Variants in MITF observed in about 807,000 individuals in gnomAD.
The protein encoded by MITF is microphthalmia-associated transcription factor.
Under a neutral mutation model 60.5 loss-of-function variants are expected in MITF, and 17 were observed. That is an observed-to-expected ratio of 0.28 (90% CI 0.19 to 0.42). The LOEUF (loss-of-function observed/expected upper bound fraction) is 0.42. Among genes scored for constraint, MITF ranks in the 10% least tolerant of loss-of-function variants. The pLI is 1.00. For missense variants in MITF, 622 were observed against 683.5 expected, an observed-to-expected ratio of 0.91 and a Z score of 1.00; for synonymous variants, 260 against 248.5, an observed-to-expected ratio of 1.05 and a Z score of -0.43.
In MITF at chr3:69,866,224, A is replaced by G. The variant is rs1575842031; in HGVS notation, c.105-12910A>G. ...AGGAGCCACCCCTAGTGACACAGCC[A>G]GTGCCAGAACTAACTTTGACTTTCA... is the stretch of plus-strand genomic sequence containing the variant. On this transcript the variant is annotated intron_variant, in intron 1 of 9. Coordinates refer to ENST00000352241, the MANE Select transcript of MITF (RefSeq NM_001354604.2). The G allele has an allele frequency of 1.9e-6, 3 of 1,606,220 alleles. No individual in the cohort carries two copies. In the East Asian group the frequency reaches 6.7e-5, roughly 36 times the overall value.
At position 69,965,375 on chromosome 3, in the gene MITF, A is replaced by G. The variant is rs1325679025; in HGVS notation, c.*127A>G. 3.4e-6 allele frequency: 3 copies of G among 887,222 alleles called. No homozygotes were observed. The highest frequency in any genetic ancestry group is 3.4e-6 in the Non-Finnish European group (2 of 589,218). The allele number at this position is 887,222 out of a possible 1,614,324, so 55.0% of individuals were successfully genotyped here. The stretch of plus-strand genomic sequence containing the variant: ...TGAAATTTTTTTTCATGCTTTATCA[A>G]TAGCCCAGGATATATTTTATTTTTA... On this transcript the variant is annotated 3_prime_UTR_variant, in exon 10 of 10. Transcript: ENST00000352241.
intron 1 of MITF, among the ~76,000 whole-genome samples, chr3:69,811,414 T>C (rs1165227252): frequency 6.6e-6 from 1 of 152,178 alleles, no homozygotes; most frequent in Non-Finnish European, 1.5e-5. Context: ...ACAGTGCATC[T>C]CTGTCCCCTG....
chr3:69,787,500 G>C (rs1341818656), intron 1 of MITF, among the ~76,000 whole-genome samples: 1 of 152,148 alleles, frequency 6.6e-6, no homozygotes, highest in Non-Finnish European at 1.5e-5. Context: ...GTACAGGCTA[G>C]ACTAGACCAA....
intron 2 of MITF, among the ~76,000 whole-genome samples, chr3:69,898,513 T>C (rs962842693): frequency 2.0e-4 from 30 of 152,142 alleles, no homozygotes; most frequent in African/African-American, 6.8e-4. Context: ...AAGAGTATTG[T>C]ACACACCAGA....
At chr3:69,742,126 A>G (rs149847551) in intron 1 of MITF, among the ~76,000 whole-genome samples, 1 of 152,330 alleles carries the variant, frequency 6.6e-6, no homozygotes, top group Non-Finnish European at 1.5e-5. Flanking sequence ...TTTAAACTGC[A>G]ATACCCACAT....
In MITF at chr3:69,779,725, C is replaced by A. The variant is rs200833569; in HGVS notation, c.104+40024C>A. Among the ~76,000 whole-genome samples, 48 of 152,160 alleles carry A rather than the reference C, an allele frequency of 3.2e-4. No homozygotes were observed. The East Asian group carries it at 5.6e-3, about 18-fold the overall frequency. ...TAATTAAAATTAAAATTAAAATTTTCATTTTGATATAATTATAGATTAACA... is the reference window on the plus strand; with the variant it reads ...TAATTAAAATTAAAATTAAAATTTTAATTTTGATATAATTATAGATTAACA... On this transcript the variant is annotated intron_variant, in intron 1 of 9. Transcript: ENST00000352241.
In MITF at chr3:69,964,875, G is replaced by A; in HGVS notation, c.1208G>A (p.Gly403Glu). ...CTTGAAATGCAGGCTCGAGCTCATG[G>A]ACTTTCCCTTATTCCATCCACGGGT... ...QELEMQARAH[G>E]LSLIPSTGLC... Residue 403 changes from glycine (G) to glutamate (E), a missense_variant, in exon 10 of 10, where the codon GGA (glycine) becomes GAA (glutamate). By Grantham distance (98) the Gly-to-Glu change is moderately conservative. Transcript: ENST00000352241. 2 of 1,614,054 alleles carry A rather than the reference G, an allele frequency of 1.2e-6. No individual in the cohort carries two copies. Among genetic ancestry groups the A allele is most frequent in the Non-Finnish European group, 1.7e-6 (2 of 1,179,996 alleles).
chr3:69,814,135 A>G (rs57829272), intron 1 of MITF, among the ~76,000 whole-genome samples: 23,368 of 151,872 alleles, frequency 0.15, 2,099 homozygotes, highest in South Asian at 0.21. Flanking sequence ...AAAAAAAAAA[A>G]GTGCAACTCT....
intron 2 of MITF, among the ~76,000 whole-genome samples, chr3:69,919,074 G>A (rs1237541308): frequency 6.6e-6 from 1 of 152,120 alleles, no homozygotes; most frequent in Non-Finnish European, 1.5e-5. Flanking sequence ...ATATTCAGTG[G>A]TAAAGGTATA....
chr3:69,795,466 C>T (rs541917967), intron 1 of MITF, among the ~76,000 whole-genome samples: 3 of 152,204 alleles, frequency 2.0e-5, no homozygotes, highest in Non-Finnish European at 2.9e-5. Flanking sequence ...CGGCTTATTC[C>T]TATAATCTTA....
intron 5 of MITF, among the ~76,000 whole-genome samples, chr3:69,942,014 AGTCTTAC>A (rs1203285321): frequency 6.6e-6 from 1 of 152,164 alleles, no homozygotes; most frequent in Admixed American, 6.6e-5. Context: ...TAGGTTAGAC[AGTCTTAC>A]GCAAGATTAC....
chr3:69,812,438 G>T (rs544393394), intron 1 of MITF, among the ~76,000 whole-genome samples: 5 of 152,316 alleles, frequency 3.3e-5, no homozygotes, highest in Non-Finnish European at 7.3e-5. Context: ...AGCTAGGAGA[G>T]AAGAGAAACT....
At chr3:69,757,500 GA>G (rs963894100) in intron 1 of MITF, among the ~76,000 whole-genome samples, 5 of 152,192 alleles carry the variant, frequency 3.3e-5, no homozygotes, top group African/African-American at 9.7e-5. Flanking sequence ...GCACAGGAGA[GA>G]AGACAGTTGG....
intron 2 of MITF, among the ~76,000 whole-genome samples, chr3:69,912,733 T>C (rs77042554): frequency 2.5e-3 from 375 of 152,312 alleles, no homozygotes; most frequent in African/African-American, 8.7e-3. Flanking sequence ...TTGGATCCTC[T>C]GTTGGTTAGA....
At chr3:69,896,565 T>C (rs2064880054) in intron 2 of MITF, among the ~76,000 whole-genome samples, 1 of 152,188 alleles carries the variant, frequency 6.6e-6, no homozygotes, top group Non-Finnish European at 1.5e-5. Flanking sequence ...GGTTTACTGA[T>C]TGTTGTTATT....
At chr3:69,803,764 A>T (rs374155037) in intron 1 of MITF, among the ~76,000 whole-genome samples, 1 of 152,132 alleles carries the variant, frequency 6.6e-6, no homozygotes, top group Non-Finnish European at 1.5e-5. Flanking sequence ...CTAGGAAAAA[A>T]CAAGAATTGC....
intron 1 of MITF, among the ~76,000 whole-genome samples, chr3:69,815,239 T>G (rs2063163081): frequency 6.6e-6 from 1 of 152,204 alleles, no homozygotes; most frequent in Non-Finnish European, 1.5e-5. Context: ...TTCTTTGGTA[T>G]GTGCAGAGTT....
chr3:69,800,186 A>G (rs1485911273), intron 1 of MITF, among the ~76,000 whole-genome samples: 2 of 152,172 alleles, frequency 1.3e-5, no homozygotes, highest in African/African-American at 4.8e-5. Flanking sequence ...GACATTTCAT[A>G]TAAATGGGAT....
Position 69,863,327 on chromosome 3 carries a change from A to G in MITF, c.105-15807A>G, listed in dbSNP as rs1424142014. Among the ~76,000 whole-genome samples the G allele has an allele frequency of 2.0e-5, 3 of 152,182 alleles. No individual in the cohort carries two copies. The East Asian group carries it at 5.8e-4, about 29-fold the overall frequency. On this transcript the variant is annotated intron_variant, in intron 1 of 9. Transcript: ENST00000352241. ...TCATATTTAAGCCAAGCTTTGGTCC[A>G]TTTGCTAGTGGACGTTTCATTGCTG... is the stretch of plus-strand genomic sequence containing the variant.
Sources: gnomAD v4.1 joint callset for allele counts (sites outside exome capture counted in the v4.1 genomes callset) on GRCh38, gnomAD v4.1.1 for gene constraint, MANE v1.5 for transcripts, NCBI Gene and HGNC (gene_info 2026-07-23, HGNC 2026-07-21) for gene names.